CFAP74: variants seen among roughly 807,000 people sequenced by gnomAD.
The protein encoded by CFAP74 is cilia- and flagella-associated protein 74.
Under a neutral mutation model 188.9 loss-of-function variants are expected in CFAP74, and 124 were observed. The ratio of observed to expected loss-of-function variants is 0.66; its 90% confidence interval spans 0.57 to 0.76. CFAP74 has a LOEUF of 0.76. CFAP74 is among the 30% of genes least tolerant of loss of function. The probability of loss-of-function intolerance (pLI) is 0.00; values close to 1 mark genes in which losing one functional copy is unlikely to be tolerated. For missense variants in CFAP74, 2,198 were observed against 2,165.2 expected (o/e 1.02, Z -0.30); for synonymous variants, 956 against 916.7 (o/e 1.04, Z -0.77).
At position 1,928,047 on chromosome 1, in the gene CFAP74, C is replaced by T. The variant is rs1338917099; in HGVS notation, c.3388-301G>A. On this transcript the variant is annotated intron_variant, in intron 27 of 38. Transcript: ENST00000682832. Reference sequence around the variant, plus strand: ...CTGGTGCCTTCCCCTATCTTCACCGCGGAAGGCCGAAGGCAAGTGCTTCCC... The same window carrying T: ...CTGGTGCCTTCCCCTATCTTCACCGTGGAAGGCCGAAGGCAAGTGCTTCCC... 6 of 433,094 alleles carry T rather than the reference C, an allele frequency of 1.4e-5. No homozygotes were observed. In the Admixed American group the frequency reaches 1.4e-4, roughly 10 times the overall value. 26.8% of individuals were successfully genotyped at this position (433,094 alleles called of 1,614,324 possible).
rs1653273370 is a variant in CFAP74, at chr1:1,940,256, C to A, written c.2703+60G>T. ...CGCCCGGGTGCTGGGCCTGGCCTCC[C>A]AGGAAAGCCCCTGCTACCCAGGAGC... On this transcript the variant is annotated intron_variant, in intron 23 of 38. Coordinates refer to ENST00000682832, the MANE Select transcript of CFAP74 (RefSeq NM_001304360.2). 2.9e-6 allele frequency: 4 copies of A among 1,358,664 alleles called. No homozygotes were observed. In the South Asian group the frequency reaches 5.0e-5, roughly 17 times the overall value. The allele number at this position is 1,358,664 out of a possible 1,614,324, so 84.2% of individuals were successfully genotyped here. A position where few individuals can be genotyped will look rare whatever the true frequency, so the allele number is the denominator to read the frequency against.
intron 18 of CFAP74, among the ~76,000 whole-genome samples, chr1:1,949,000 T>TTAC (rs1558015233): frequency 4.3e-5 from 3 of 69,230 alleles, no homozygotes; most frequent in Admixed American, 1.8e-4. Flanking sequence ...CTTCATTCCC[T>TTAC]TCCTTCCCCT....
chr1:1,985,619 A>G (rs34331632), intron 5 of CFAP74, 129 bp from the exon 6 acceptor site: 254,030 of 710,982 alleles, frequency 0.36, 47,693 homozygotes, highest in African/African-American at 0.55. Flanking sequence ...CCACCTAGCC[A>G]ATGGAGCGTG....
intron 8 of CFAP74, among the ~76,000 whole-genome samples, 177 bp downstream of exon 8, chr1:1,972,760 C>T (rs1463637381): frequency 2.0e-5 from 3 of 152,202 alleles, no homozygotes; most frequent in East Asian, 1.9e-4. Context: ...GCAGGAGAAT[C>T]GCTTGAACCC....
chr1:1,961,008 A>G (rs540572600), intron 14 of CFAP74, among the ~76,000 whole-genome samples: 11 of 152,332 alleles, frequency 7.2e-5, no homozygotes, highest in African/African-American at 1.7e-4. Flanking sequence ...CTCATCCAAA[A>G]CAGAACTTGG....
intron 22 of CFAP74, among the ~76,000 whole-genome samples, chr1:1,941,061 C>T (rs900461374): frequency 1.1e-3 from 169 of 151,934 alleles, no homozygotes; most frequent in African/African-American, 3.9e-3. Context: ...TGCAGTGAGC[C>T]GAGATAGTGC....
chr1:1,989,936 C>T lies in CFAP74; in HGVS notation c.67+954G>A, dbSNP rs77072450. Among the ~76,000 whole-genome samples the T allele has an allele frequency of 3.9e-3, 594 of 152,312 alleles. 6 individuals carry two copies. Among genetic ancestry groups the T allele is most frequent in the African/African-American group, 0.014 (579 of 41,572 alleles). On this transcript the variant is annotated intron_variant, in intron 2 of 38. Coordinates refer to ENST00000682832, the MANE Select transcript of CFAP74 (RefSeq NM_001304360.2). ...TGAAAACTGTCTTCATGATCACACT[C>T]GCACGCCATTTGTCTCCTCACTCTC...
At position 1,960,237 on chromosome 1, in the gene CFAP74, G is replaced by T. The variant is rs1425337351; in HGVS notation, c.1695-207C>A. On this transcript the variant is annotated intron_variant, in intron 14 of 38. Coordinates refer to ENST00000682832, the MANE Select transcript of CFAP74 (RefSeq NM_001304360.2). ...TACCTGGCAGGCAGGGGGCGCTCCAGTGTGTGCGAACGTTTGTGGAGTGAG... is the reference window on the plus strand; with the variant it reads ...TACCTGGCAGGCAGGGGGCGCTCCATTGTGTGCGAACGTTTGTGGAGTGAG... 3 of 572,562 alleles carry T rather than the reference G, an allele frequency of 5.2e-6. No homozygotes were observed. In the East Asian group the frequency reaches 1.0e-4, roughly 19 times the overall value. 35.5% of individuals were successfully genotyped at this position (572,562 alleles called of 1,614,324 possible). A position where few individuals can be genotyped will look rare whatever the true frequency, so the allele number is the denominator to read the frequency against.
At chr1:1,983,312 T>C (rs1370708628) in intron 6 of CFAP74, among the ~76,000 whole-genome samples, 1 of 152,210 alleles carries the variant, frequency 6.6e-6, no homozygotes, top group Non-Finnish European at 1.5e-5. Context: ...CCTCAAAGCT[T>C]CTGCCCACAA....
chr1:1,968,559 C>T lies in CFAP74; in HGVS notation c.1245+76G>A. ...GCTGAGGTCCTCAGAGGATGTCTCA[C>T]CACACCTGAGCCCTGAGGCCCCACC... On this transcript the variant is annotated intron_variant, in intron 11 of 38. Transcript: ENST00000682832. The surrounding 1 kb of genome is among the most constrained non-coding windows in gnomAD (Gnocchi z 4.3). The T allele has an allele frequency of 7.6e-7, 1 of 1,318,568 alleles. No individual in the cohort carries two copies. The highest frequency in any genetic ancestry group is 1.1e-6 in the Non-Finnish European group (1 of 931,428). The allele number at this position is 1,318,568 out of a possible 1,614,324, so 81.7% of individuals were successfully genotyped here.
intron 6 of CFAP74, chr1:1,983,654 T>G (rs1558057842): frequency 2.0e-5 from 3 of 152,300 alleles, no homozygotes; most frequent in Admixed American, 6.5e-5. Context: ...CTGCAGCTCT[T>G]CTGTAAGTTC....
In CFAP74 at chr1:1,942,161, G is replaced by A. The variant is rs545839132; in HGVS notation, c.2487-5C>T. On this transcript the variant is annotated splice_polypyrimidine_tract_variant and splice_region_variant and intron_variant, in intron 21 of 38. Coordinates refer to ENST00000682832, the MANE Select transcript of CFAP74 (RefSeq NM_001304360.2). This position sits in a 1 kb window ranked among gnomAD's most constrained non-coding sequence, Gnocchi z 4.3. Reference sequence around the variant, plus strand: ...AGGCGCAGGGCAGCTTTCGACCTGTGGGCGTGTCGCAGGGCACTGGGTCAG... The same window carrying A: ...AGGCGCAGGGCAGCTTTCGACCTGTAGGCGTGTCGCAGGGCACTGGGTCAG... 91 of 1,504,300 alleles carry A rather than the reference G, an allele frequency of 6.0e-5. No individual in the cohort carries two copies. Among genetic ancestry groups the A allele is most frequent in the Non-Finnish European group, 8.0e-5 (91 of 1,131,858 alleles). The allele number at this position is 1,504,300 out of a possible 1,614,324, so 93.2% of individuals were successfully genotyped here.
chr1:1,975,023 G>A lies in CFAP74; in HGVS notation c.501-825C>T, dbSNP rs557282621. ...CGGCTCAGGCCGGGGCTGGCCACGCGAGGATCAGAACCCTGGACAAGGTCA... is the reference window on the plus strand; with the variant it reads ...CGGCTCAGGCCGGGGCTGGCCACGCAAGGATCAGAACCCTGGACAAGGTCA... On this transcript the variant is annotated intron_variant, in intron 6 of 38. Transcript: ENST00000682832. The surrounding 1 kb of genome is among the most constrained non-coding windows in gnomAD (Gnocchi z 4.5). 3.9e-5 allele frequency among the ~76,000 whole-genome samples: 6 copies of A among 152,370 alleles called. No individual in the cohort carries two copies. The highest frequency in any genetic ancestry group is 2.1e-4 in the South Asian group (1 of 4,830).
chr1:1,958,098 C>G (rs939069688), intron 16 of CFAP74, among the ~76,000 whole-genome samples: 7 of 152,254 alleles, frequency 4.6e-5, no homozygotes, highest in Non-Finnish European at 1.0e-4. Context: ...ATCCCAACCC[C>G]TCTCCACGGC....
chr1:1,926,446 G>A lies in CFAP74; in HGVS notation c.3828+11C>T, dbSNP rs999049308. 1.9e-6 allele frequency: 3 copies of A among 1,550,140 alleles called. No individual in the cohort carries two copies. The African/African-American group carries it at 4.1e-5, about 21-fold the overall frequency. ...CCCCGCAGGCCGCCTGAGCTGGGTGGACAAGGACACGGCCAGATCCTCGGG... is the reference window on the plus strand; with the variant it reads ...CCCCGCAGGCCGCCTGAGCTGGGTGAACAAGGACACGGCCAGATCCTCGGG... On this transcript the variant is annotated intron_variant, in intron 31 of 38. Transcript: ENST00000682832.
intron 1 of CFAP74, among the ~76,000 whole-genome samples, chr1:1,997,729 A>AC (rs1657990470): frequency 6.6e-6 from 1 of 152,098 alleles, no homozygotes; most frequent in South Asian, 2.1e-4. Context: ...AATGCGAGGA[A>AC]CCCCCTCGGG....
chr1:1,968,581 C>G lies in CFAP74; in HGVS notation c.1245+54G>C. On this transcript the variant is annotated intron_variant, in intron 11 of 38. Coordinates refer to ENST00000682832, the MANE Select transcript of CFAP74 (RefSeq NM_001304360.2). The surrounding 1 kb of genome is among the most constrained non-coding windows in gnomAD (Gnocchi z 4.3). ...TCACCACACCTGAGCCCTGAGGCCC[C>G]ACCTGCCCTCCACAGGTGTGCGGCT... 6.7e-7 allele frequency: 1 copy of G among 1,488,906 alleles called. No individual in the cohort carries two copies. The highest frequency in any genetic ancestry group is 1.7e-5 in the Admixed American group (1 of 57,660). 92.2% of individuals were successfully genotyped at this position (1,488,906 alleles called of 1,614,324 possible).
At chr1:1,926,106 C>T in intron 32 of CFAP74, 122 bp downstream of exon 32, 2 of 1,422,850 alleles carry the variant, frequency 1.4e-6, no homozygotes, top group Non-Finnish European at 1.9e-6. Context: ...GGCCAGGCTG[C>T]TCGCAGACCC....
rs946307700 is a variant in CFAP74, at chr1:1,968,923, C to T, written c.1047-90G>A. The T allele has an allele frequency of 3.5e-5, 43 of 1,232,836 alleles. No individual in the cohort carries two copies. The highest frequency in any genetic ancestry group is 2.7e-4 in the South Asian group (20 of 75,428). 76.4% of individuals were successfully genotyped at this position (1,232,836 alleles called of 1,614,324 possible). A position where few individuals can be genotyped will look rare whatever the true frequency, so the allele number is the denominator to read the frequency against. On this transcript the variant is annotated intron_variant, in intron 10 of 38. Coordinates refer to ENST00000682832, the MANE Select transcript of CFAP74 (RefSeq NM_001304360.2). The surrounding 1 kb of genome is among the most constrained non-coding windows in gnomAD (Gnocchi z 4.3). The stretch of plus-strand genomic sequence containing the variant: ...ACAGTGCCCGGCGGCCCCTCCCTAG[C>T]GCCCTCCTGGGGGCTCCGGTCCTGC...
Sources: gnomAD v4.1 joint callset for allele counts (sites outside exome capture counted in the v4.1 genomes callset) on GRCh38, gnomAD v4.1.1 for gene constraint, Gnocchi (gnomAD v3.1) non-coding constraint, MANE v1.5 for transcripts, NCBI Gene and HGNC (gene_info 2026-07-23, HGNC 2026-07-21) for gene names.